The following RYR2 variants were observed in gnomAD, a reference collection of about 807,000 sequenced individuals.
RYR2 encodes the protein ryanodine receptor 2, also known as cardiac muscle ryanodine receptor-calcium release channel.
In RYR2, 227 loss-of-function variants were observed where a neutral mutation model predicts 601.1. The ratio of observed to expected loss-of-function variants is 0.38; its 90% confidence interval spans 0.34 to 0.42. The LOEUF is 0.42. RYR2 is among the 10% of genes least tolerant of loss of function. The pLI is 1.00. For missense variants in RYR2, 4,646 were observed against 6,156.5 expected (o/e 0.75, Z 8.21); for synonymous variants, 2,223 against 2,175.1 (o/e 1.02, Z -0.61).
chr1:237,594,883 T>C lies in RYR2; in HGVS notation c.4437-615T>C, dbSNP rs560307561. On this transcript the variant is annotated intron_variant, in intron 33 of 104. Coordinates refer to ENST00000366574, the MANE Select transcript of RYR2 (RefSeq NM_001035.3). ...AGGTGGCATTTGTGGTTAATATCAC[T>C]GGGTTTTTTTTTTTTTTTTTTTTTT... Among the ~76,000 whole-genome samples the C allele has an allele frequency of 4.5e-5, 6 of 133,616 alleles. No individual in the cohort carries two copies. The East Asian group carries it at 1.1e-3, about 25-fold the overall frequency. 87.7% of individuals were successfully genotyped at this position (133,616 alleles called of 152,430 possible).
chr1:237,374,827 C>T (rs768938971), intron 7 of RYR2, 32 bp downstream of exon 7: 10 of 1,558,266 alleles, frequency 6.4e-6, no homozygotes, highest in Non-Finnish European at 7.9e-6. Context: ...AAGCCAGGTT[C>T]AGAGAGAACC....
At chr1:237,138,442 T>G (rs140545547) in intron 1 of RYR2, among the ~76,000 whole-genome samples, 3 of 152,176 alleles carry the variant, frequency 2.0e-5, no homozygotes, top group African/African-American at 7.2e-5. Flanking sequence ...CAAGAGACTG[T>G]GATTATTTTT....
intron 1 of RYR2, among the ~76,000 whole-genome samples, chr1:237,046,340 CTTCT>C (rs1278301347): frequency 6.6e-6 from 1 of 152,124 alleles, no homozygotes; most frequent in Admixed American, 6.5e-5. Context: ...GAGAGAAAGG[CTTCT>C]TTATCTGCTG....
At chr1:237,235,262 C>G (rs1007886953) in intron 1 of RYR2, among the ~76,000 whole-genome samples, 5 of 152,210 alleles carry the variant, frequency 3.3e-5, no homozygotes, top group African/African-American at 1.2e-4. Context: ...GAGGTCGGAT[C>G]TAGCCTTTCC....
At chr1:237,309,997 C>T (rs1002996577) in intron 2 of RYR2, among the ~76,000 whole-genome samples, 16 of 152,190 alleles carry the variant, frequency 1.1e-4, no homozygotes, top group African/African-American at 3.9e-4. Flanking sequence ...ACCTCTCCCT[C>T]CACACCTCCC....
At chr1:237,295,520 G>GA (rs1175628852) in intron 2 of RYR2, among the ~76,000 whole-genome samples, 6 of 152,120 alleles carry the variant, frequency 3.9e-5, no homozygotes, top group Non-Finnish European at 7.4e-5. Context: ...AAAAGACATT[G>GA]AAATGTTGGC....
intron 1 of RYR2, among the ~76,000 whole-genome samples, chr1:237,173,917 C>T (rs943121785): frequency 3.9e-5 from 6 of 152,118 alleles, no homozygotes; most frequent in East Asian, 3.9e-4. Flanking sequence ...ATTAGCCTGG[C>T]GTGGTGGCGG....
intron 1 of RYR2, among the ~76,000 whole-genome samples, chr1:237,056,533 C>T (rs577684561): frequency 0.012 from 1,682 of 141,804 alleles, 21 homozygotes; most frequent in African/African-American, 0.042. Flanking sequence ...TGGAGCACTG[C>T]GTCTGTGAGG....
chr1:237,447,131 C>T (rs1281073039), intron 14 of RYR2, among the ~76,000 whole-genome samples: 1 of 152,124 alleles, frequency 6.6e-6, no homozygotes, highest in African/African-American at 2.4e-5. Flanking sequence ...TTCAATTTGA[C>T]TGCTGTAGAG....
chr1:237,552,885 T>A (rs1360997672), intron 27 of RYR2, among the ~76,000 whole-genome samples: 1 of 151,984 alleles, frequency 6.6e-6, no homozygotes, highest in African/African-American at 2.4e-5. Context: ...TAATTAATCT[T>A]TCATTTCTCT....
chr1:237,123,009 A>G (rs920826266), intron 1 of RYR2, among the ~76,000 whole-genome samples: 9 of 152,236 alleles, frequency 5.9e-5, no homozygotes, highest in African/African-American at 1.7e-4. Flanking sequence ...TGTAAAGGCT[A>G]TAGGGGTGGA....
chr1:237,157,113 T>G (rs1168104013), intron 1 of RYR2, among the ~76,000 whole-genome samples: 1 of 151,688 alleles, frequency 6.6e-6, no homozygotes, highest in Non-Finnish European at 1.5e-5. Flanking sequence ...CTGGCCAGCA[T>G]GGTGAAACCC....
In RYR2 at chr1:237,795,871, T is replaced by C. The variant is rs867776709; in HGVS notation, c.13956+540T>C. Among the ~76,000 whole-genome samples the C allele has an allele frequency of 3.1e-3, 456 of 145,072 alleles. 1 individual carries two copies. Among genetic ancestry groups the C allele is most frequent in the Middle Eastern group, 0.011 (3 of 278 alleles). ...ATATGTATATGTATATATATATATA[T>C]ATACACATATATATATACACACATA... On this transcript the variant is annotated intron_variant, in intron 96 of 104. Transcript: ENST00000366574.
chr1:237,174,560 C>A (rs1278441132), intron 1 of RYR2, among the ~76,000 whole-genome samples: 1 of 152,162 alleles, frequency 6.6e-6, no homozygotes, highest in African/African-American at 2.4e-5. Context: ...TTTCATCTGG[C>A]CCTTCCCTAC....
At chr1:237,641,503 TTCTTTCTTTCTTTCTTTC>T (rs2148745071) in intron 47 of RYR2, among the ~76,000 whole-genome samples, 1 of 131,662 alleles carries the variant, frequency 7.6e-6, no homozygotes, top group Non-Finnish European at 1.7e-5. Flanking sequence ...CTTTCTTTCT[TTCTTTCTTTCTTTCTTTC>T]TTTCTTTTTC....
intron 3 of RYR2, among the ~76,000 whole-genome samples, chr1:237,350,374 A>G (rs1049750473): frequency 2.6e-5 from 4 of 151,564 alleles, no homozygotes; most frequent in African/African-American, 9.7e-5. Context: ...GTTCAAGACT[A>G]GCCTGACCAA....
chr1:237,365,060 T>C (rs1190750589), intron 5 of RYR2, among the ~76,000 whole-genome samples: 1 of 152,200 alleles, frequency 6.6e-6, no homozygotes, highest in Non-Finnish European at 1.5e-5. Flanking sequence ...TTTTAGGATA[T>C]ATAATAGAAA....
At chr1:237,831,865 G>GATTC (rs57657983) in intron 104 of RYR2, among the ~76,000 whole-genome samples, 1 of 151,658 alleles carries the variant, frequency 6.6e-6, no homozygotes, top group Non-Finnish European at 1.5e-5. Context: ...TAATGTCTTT[G>GATTC]TTTAATCAGA....
chr1:237,417,011 T>G (rs760762821), intron 10 of RYR2, 38 bp from the exon 11 acceptor site: 1 of 1,580,620 alleles, frequency 6.3e-7, no homozygotes, highest in South Asian at 1.1e-5. Context: ...GAAACATGTT[T>G]AACTCACATT....
Sources: allele counts gnomAD v4.1 joint callset (sites outside exome capture counted in the v4.1 genomes callset), GRCh38; gene constraint gnomAD v4.1.1; transcripts MANE v1.5; gene names NCBI Gene and HGNC (gene_info 2026-07-23, HGNC 2026-07-21).